ATP8A2: variants seen among roughly 807,000 people sequenced by gnomAD.
ATP8A2 encodes the protein phospholipid-transporting ATPase IB.
Under a neutral mutation model 165.6 loss-of-function variants are expected in ATP8A2, and 100 were observed. The ratio of observed to expected loss-of-function variants is 0.60; its 90% CI spans 0.51 to 0.71. The LOEUF (loss-of-function observed/expected upper bound fraction) is 0.71. Ranked by LOEUF, ATP8A2 falls within the 30% of genes least tolerant of loss-of-function variation. The pLI, the probability that ATP8A2 is intolerant of heterozygous loss-of-function variation, is 0.00. For synonymous variants in ATP8A2, 543 were observed against 548.8 expected (o/e 0.99, Z 0.15); for missense variants, 1,227 against 1,479.5 (o/e 0.83, Z 2.80).
chr13:25,459,919 A>G (rs2035460798), intron 1 of ATP8A2, among the ~76,000 whole-genome samples: 1 of 152,118 alleles, frequency 6.6e-6, no homozygotes, highest in Non-Finnish European at 1.5e-5. Context: ...GCTTAGGACA[A>G]GGTTGGATGC....
intron 33 of ATP8A2, among the ~76,000 whole-genome samples, chr13:25,921,342 G>A (rs991408571): frequency 2.0e-5 from 3 of 152,070 alleles, no homozygotes; most frequent in Middle Eastern, 3.4e-3. Context: ...TTGAGGCCAG[G>A]CACGGTGGCT....
intron 35 of ATP8A2, among the ~76,000 whole-genome samples, chr13:26,000,038 C>A (rs1018415660): frequency 6.6e-6 from 1 of 152,190 alleles, no homozygotes; most frequent in Admixed American, 6.5e-5. Flanking sequence ...CGAAGGTTTT[C>A]ATTTCCTAAT....
intron 33 of ATP8A2, among the ~76,000 whole-genome samples, chr13:25,920,826 C>A (rs1264324614): frequency 6.6e-6 from 1 of 152,206 alleles, no homozygotes; most frequent in Non-Finnish European, 1.5e-5. Context: ...GCCTGTAACC[C>A]CAGCACTTGG....
intron 25 of ATP8A2, among the ~76,000 whole-genome samples, chr13:25,740,308 C>CA (rs1229327243): frequency 0.076 from 5,112 of 66,982 alleles, 244 homozygotes; most frequent in East Asian, 0.3. Context: ...GGCTCTATCT[C>CA]AAAAAAAAAA....
At position 25,813,868 on chromosome 13, in the gene ATP8A2, C is replaced by T. The variant is rs138296898; in HGVS notation, c.2680-14250C>T. ...TGGGCCTCATCCCATCAGCTGAGGG[C>T]CTGAAGAGAGCAGAAGACTGACCCT... On this transcript the variant is annotated intron_variant, in intron 27 of 36. Coordinates refer to ENST00000381655, the MANE Select transcript of ATP8A2 (RefSeq NM_016529.6). 8.9e-4 allele frequency among the ~76,000 whole-genome samples: 135 copies of T among 152,246 alleles called. 1 individual carries two copies. The highest frequency in any genetic ancestry group is 2.9e-3 in the African/African-American group (119 of 41,542).
rs116867444 is a variant in ATP8A2 at position 25,856,499 on chromosome 13, A to G, written c.2957-3696A>G. 2.5e-3 allele frequency among the ~76,000 whole-genome samples: 388 copies of G among 152,338 alleles called. 3 individuals carry two copies. The highest frequency in any genetic ancestry group is 4.2e-3 in the Non-Finnish European group (289 of 68,016). ...GCCTAGACTTCACTCCCATATATTC[A>G]TGTAACAAAATTGCACTTGCACCCC... On this transcript the variant is annotated intron_variant, in intron 30 of 36. Transcript: ENST00000381655.
At chr13:25,967,264 CTGTT>C (rs1487612740) in intron 34 of ATP8A2, among the ~76,000 whole-genome samples, 8 of 152,138 alleles carry the variant, frequency 5.3e-5, no homozygotes, top group Non-Finnish European at 1.0e-4. Flanking sequence ...TCTCAGGACA[CTGTT>C]TGATGGAATT....
intron 35 of ATP8A2, among the ~76,000 whole-genome samples, chr13:25,997,098 T>C (rs1054231174): frequency 6.6e-5 from 10 of 152,184 alleles, no homozygotes; most frequent in African/African-American, 2.4e-4. Flanking sequence ...GGATTACAGG[T>C]GTGAGCCACC....
At chr13:25,465,704 TTTCTTTCTTTC>T (rs1361468760) in intron 1 of ATP8A2, among the ~76,000 whole-genome samples, 23 of 21,660 alleles carry the variant, frequency 1.1e-3, no homozygotes, top group African/African-American at 2.6e-3. Context: ...TCTTTCTTTC[TTTCTTTCTTTC>T]TTTCTTTCTT....
chr13:25,850,088 A>G (rs1398606370), intron 30 of ATP8A2, among the ~76,000 whole-genome samples: 1 of 152,114 alleles, frequency 6.6e-6, no homozygotes, highest in Non-Finnish European at 1.5e-5. Context: ...CTCAGCCCTC[A>G]CCAGTGTTGG....
At chr13:25,996,687 G>T (rs1257085532) in intron 35 of ATP8A2, among the ~76,000 whole-genome samples, 2 of 151,658 alleles carry the variant, frequency 1.3e-5, no homozygotes, top group Admixed American at 1.3e-4. Context: ...CACCATGCCT[G>T]GCTAATTTTT....
At chr13:25,948,502 G>T (rs1955268757) in intron 33 of ATP8A2, among the ~76,000 whole-genome samples, 1 of 152,168 alleles carries the variant, frequency 6.6e-6, no homozygotes, top group South Asian at 2.1e-4. Context: ...CAATGGCAGA[G>T]CTGGGATTGG....
intron 2 of ATP8A2, among the ~76,000 whole-genome samples, chr13:25,473,212 C>T (rs1310281543): frequency 6.6e-6 from 1 of 152,150 alleles, no homozygotes; most frequent in Non-Finnish European, 1.5e-5. Context: ...CTCACCAAAC[C>T]TTGTTCTCAT....
chr13:25,657,411 G>A (rs2419322), intron 24 of ATP8A2, among the ~76,000 whole-genome samples: 150,606 of 152,238 alleles, frequency 0.99, 74,508 homozygotes, highest in East Asian at 1. Flanking sequence ...AGATGCCTGG[G>A]GGGGTGAGAC....
intron 25 of ATP8A2, among the ~76,000 whole-genome samples, chr13:25,709,592 A>G (rs141406446): frequency 3.6e-4 from 55 of 152,358 alleles, no homozygotes; most frequent in African/African-American, 1.2e-3. Context: ...ACACATGACT[A>G]TACATTTAAG....
At chr13:25,406,518 C>A (rs2033805579) in intron 1 of ATP8A2, among the ~76,000 whole-genome samples, 1 of 152,214 alleles carries the variant, frequency 6.6e-6, no homozygotes, top group Admixed American at 6.5e-5. Context: ...ATGGCCAATG[C>A]TCTCATAGGA....
chr13:25,890,820 G>A (rs1014775067), intron 33 of ATP8A2, among the ~76,000 whole-genome samples: 2 of 152,150 alleles, frequency 1.3e-5, no homozygotes, highest in African/African-American at 4.8e-5. Flanking sequence ...TAAGTTCTTT[G>A]GAAACAGAAG....
intron 34 of ATP8A2, among the ~76,000 whole-genome samples, chr13:25,961,965 A>G (rs1412093895): frequency 6.6e-6 from 1 of 152,186 alleles, no homozygotes; most frequent in Admixed American, 6.5e-5. Flanking sequence ...TTGAGGCTGT[A>G]GTGAGCTATG....
At chr13:25,814,120 C>CACAT (rs1307651707) in intron 27 of ATP8A2, among the ~76,000 whole-genome samples, 1 of 151,562 alleles carries the variant, frequency 6.6e-6, no homozygotes, top group African/African-American at 2.4e-5. Context: ...CACACACACA[C>CACAT]ACTCATTAAG....
Sources: gnomAD v4.1 joint callset for allele counts (sites outside exome capture counted in the v4.1 genomes callset) on GRCh38, gnomAD v4.1.1 for gene constraint, MANE v1.5 for transcripts, NCBI Gene and HGNC (gene_info 2026-07-23, HGNC 2026-07-21) for gene names.